FILIP1L: variants seen among roughly 807,000 people sequenced by gnomAD.
FILIP1L encodes the protein filamin A interacting protein 1 like.
In FILIP1L, 55 loss-of-function variants were observed where a neutral mutation model predicts 96.6. That is an observed-to-expected ratio of 0.57 (90% confidence interval 0.46 to 0.71). The LOEUF (loss-of-function observed/expected upper bound fraction) is 0.71, where lower values mean the gene tolerates loss of function less well. Among genes scored for constraint, FILIP1L ranks in the 30% least tolerant of loss-of-function variants. The pLI is 0.00. For synonymous variants in FILIP1L, 467 were observed against 473.9 expected, an observed-to-expected ratio of 0.99 and a Z score of 0.19; for missense variants, 1,304 against 1,321.2, an observed-to-expected ratio of 0.99 and a Z score of 0.20.
chr3:99,830,721 G>A, intron 5 of FILIP1L, 116 bp from the exon 6 acceptor site: 1 of 395,210 alleles, frequency 2.5e-6, no homozygotes, highest in East Asian at 7.2e-5. Context: ...CCAGTTTCTG[G>A]GGATGTATCA....
intron 1 of FILIP1L, among the ~76,000 whole-genome samples, chr3:99,965,087 A>AC (rs1708609081): frequency 6.6e-6 from 1 of 152,244 alleles, no homozygotes; most frequent in African/African-American, 2.4e-5. Context: ...GTTATTTTCT[A>AC]GTAATTACCT....
At chr3:99,846,010 T>G (rs550540676) in intron 5 of FILIP1L, among the ~76,000 whole-genome samples, 1 of 152,236 alleles carries the variant, frequency 6.6e-6, no homozygotes, top group Non-Finnish European at 1.5e-5. Flanking sequence ...ACAAGACTTA[T>G]GGTGTTAACT....
rs374609337 is a variant in FILIP1L, at chr3:99,850,118, C to T, written c.1558G>A (p.Ala520Thr). The T allele has an allele frequency of 5.0e-6, 8 of 1,612,648 alleles. No individual in the cohort carries two copies. The highest frequency in any genetic ancestry group is 6.8e-6 in the Non-Finnish European group (8 of 1,179,776). ...KLKKTEDKLQ[A>T]ASSQLQVEQN... Reference sequence around the variant, plus strand: ...TCCACTTGAAGCTGAGAAGAAGCAGCTTGTAATTTATCTTCAGTTTTCTTT... The same window carrying T: ...TCCACTTGAAGCTGAGAAGAAGCAGTTTGTAATTTATCTTCAGTTTTCTTT... Residue 520 changes from alanine (A) to threonine (T), a missense_variant, in exon 5 of 6, where the codon GCT becomes ACT. Ala to Thr is a moderately conservative substitution (Grantham distance 58). Transcript: ENST00000477258.
intron 1 of FILIP1L, among the ~76,000 whole-genome samples, chr3:100,014,940 G>A (rs1256433042): frequency 7.3e-5 from 6 of 81,720 alleles, no homozygotes; most frequent in Non-Finnish European, 1.2e-4. Context: ...TTGTGTTTTG[G>A]GGATCATATC....
chr3:99,986,630 A>G (rs1402365637), intron 1 of FILIP1L, among the ~76,000 whole-genome samples: 2 of 152,164 alleles, frequency 1.3e-5, no homozygotes, highest in African/African-American at 4.8e-5. Context: ...AAGAAATTGA[A>G]GAAATTGATG....
intron 1 of FILIP1L, among the ~76,000 whole-genome samples, chr3:100,066,989 C>T (rs898362368): frequency 6.6e-6 from 1 of 152,128 alleles, no homozygotes; most frequent in Non-Finnish European, 1.5e-5. Context: ...AAATGTGTGT[C>T]CCATACACAT....
intron 4 of FILIP1L, among the ~76,000 whole-genome samples, chr3:99,885,078 TAG>T (rs1225857657): frequency 6.6e-6 from 1 of 152,236 alleles, no homozygotes; most frequent in South Asian, 2.1e-4. Flanking sequence ...CAGTCAACTA[TAG>T]GCTCAGTCAC....
At chr3:99,879,991 T>C (rs926359692) in intron 4 of FILIP1L, among the ~76,000 whole-genome samples, 1 of 152,148 alleles carries the variant, frequency 6.6e-6, no homozygotes, top group Non-Finnish European at 1.5e-5. Context: ...TCTACCACCT[T>C]ACCCACAGCC....
In FILIP1L at chr3:99,979,303, G is replaced by T. The variant is rs531700713; in HGVS notation, c.-10-48273C>A. ...AAATTTTATTATGTTCTCTCTTTAT[G>T]GCCTTCTTTTGGGAAACACTAAAAA... On this transcript the variant is annotated intron_variant, in intron 1 of 5. Coordinates refer to ENST00000477258, the MANE Select transcript of FILIP1L (RefSeq NM_001387850.1). Among the ~76,000 whole-genome samples, 17 of 152,108 alleles carry T rather than the reference G, an allele frequency of 1.1e-4. No individual in the cohort carries two copies. In the South Asian group the frequency reaches 3.1e-3, roughly 28 times the overall value.
At chr3:100,104,335 C>T (rs2066358495) in intron 1 of FILIP1L, among the ~76,000 whole-genome samples, 1 of 152,224 alleles carries the variant, frequency 6.6e-6, no homozygotes, top group East Asian at 1.9e-4. Context: ...TGTGGTCACA[C>T]AAAGCCCGTT....
intron 1 of FILIP1L, among the ~76,000 whole-genome samples, chr3:100,055,811 A>G (rs2065454524): frequency 1.3e-5 from 2 of 152,198 alleles, no homozygotes; most frequent in African/African-American, 4.8e-5. Context: ...AATATTGTAC[A>G]CATTCTTTCT....
At chr3:99,872,795 G>A (rs571711155) in intron 4 of FILIP1L, among the ~76,000 whole-genome samples, 3 of 152,172 alleles carry the variant, frequency 2.0e-5, no homozygotes, top group Admixed American at 6.5e-5. Flanking sequence ...AAGAGGGAGT[G>A]TTTCTCATAT....
In FILIP1L at chr3:100,068,332, T is replaced by G. The variant is rs186403597; in HGVS notation, c.-11+45721A>C. On this transcript the variant is annotated intron_variant, in intron 1 of 5. Transcript: ENST00000477258. ...GGATGGATGCATAGTGAGACAAACATGAATGATGAAAGAGCCTCTGTGTGT... is the reference window on the plus strand; with the variant it reads ...GGATGGATGCATAGTGAGACAAACAGGAATGATGAAAGAGCCTCTGTGTGT... Among the ~76,000 whole-genome samples the G allele has an allele frequency of 1.2e-3, 179 of 148,552 alleles. 1 individual carries two copies. Among genetic ancestry groups the G allele is most frequent in the Middle Eastern group, 3.4e-3 (1 of 292 alleles).
At position 99,829,457 on chromosome 3, in the gene FILIP1L, T is replaced by G. The variant is rs183974147; in HGVS notation, c.*957A>C. Among the ~76,000 whole-genome samples, 21 of 152,218 alleles carry G rather than the reference T, an allele frequency of 1.4e-4. No individual in the cohort carries two copies. Among genetic ancestry groups the G allele is most frequent in the African/African-American group, 4.8e-4 (20 of 41,458 alleles). ...AGATGACTGTTTGAATTCAACATTT[T>G]GTATTAATAGTTGGGCATATTCATA... On this transcript the variant is annotated 3_prime_UTR_variant, in exon 6 of 6. Transcript: ENST00000477258.
intron 4 of FILIP1L, among the ~76,000 whole-genome samples, chr3:99,917,344 TTG>T (rs778104130): frequency 4.6e-5 from 7 of 152,164 alleles, no homozygotes; most frequent in Non-Finnish European, 7.3e-5. Flanking sequence ...TGTATTTTAG[TTG>T]TGTGTAAAAT....
intron 4 of FILIP1L, among the ~76,000 whole-genome samples, chr3:99,868,378 T>C (rs541641208): frequency 5.4e-4 from 83 of 152,302 alleles, no homozygotes; most frequent in African/African-American, 1.8e-3. Context: ...GAATTCTTCA[T>C]GACTGCATCC....
At chr3:100,016,446 A>ATT (rs1159115444) in intron 1 of FILIP1L, among the ~76,000 whole-genome samples, 1 of 152,074 alleles carries the variant, frequency 6.6e-6, no homozygotes, top group Admixed American at 6.6e-5. Context: ...CCACCTCGGA[A>ATT]AGTGCTGGGA....
chr3:99,874,857 G>C (rs1475237292), intron 4 of FILIP1L, among the ~76,000 whole-genome samples: 1 of 152,180 alleles, frequency 6.6e-6, no homozygotes, highest in African/African-American at 2.4e-5. Flanking sequence ...AGTGGTTATA[G>C]TGCTCTGCTC....
chr3:99,980,414 A>G (rs1435244661), intron 1 of FILIP1L, among the ~76,000 whole-genome samples: 2 of 152,168 alleles, frequency 1.3e-5, no homozygotes, highest in Non-Finnish European at 2.9e-5. Flanking sequence ...CAGATATGTT[A>G]GGTAACTGCC....
Sources: gnomAD v4.1 joint callset for allele counts (sites outside exome capture counted in the v4.1 genomes callset) on GRCh38, gnomAD v4.1.1 for gene constraint, MANE v1.5 for transcripts, NCBI Gene and HGNC (gene_info 2026-07-23, HGNC 2026-07-21) for gene names.